The following TOM1 variants were observed in gnomAD, a reference collection of about 807,000 sequenced individuals.
The protein encoded by TOM1 is target of Myb protein 1.
TOM1 carries 38 observed loss-of-function variants against 61.3 expected under a neutral mutation model. That is an observed-to-expected ratio of 0.62 (90% CI 0.48 to 0.81). The LOEUF is 0.81. TOM1 is among the 40% of genes least tolerant of loss of function. TOM1 has a pLI of 0.00. For missense variants in TOM1, 591 were observed against 659.6 expected (o/e 0.90, Z 1.14); for synonymous variants, 270 against 268.8 (o/e 1.00, Z -0.04).
intron 2 of TOM1, among the ~76,000 whole-genome samples, chr22:35,318,869 C>T (rs1199612974): frequency 6.6e-6 from 1 of 152,248 alleles, no homozygotes; most frequent in Admixed American, 6.5e-5. Flanking sequence ...TCCAGCTCTC[C>T]CGCGGCCAGT....
chr22:35,317,984 T>A (rs766313056), intron 2 of TOM1, 23 bp downstream of exon 2: 5 of 1,600,530 alleles, frequency 3.1e-6, no homozygotes, highest in Admixed American at 3.3e-5. Context: ...CAAGGAGAGG[T>A]TGGGGGCAGA....
intron 11 of TOM1, among the ~76,000 whole-genome samples, chr22:35,336,030 CAG>C (rs1214732862): frequency 6.6e-6 from 1 of 152,128 alleles, no homozygotes; most frequent in Non-Finnish European, 1.5e-5. Flanking sequence ...CACTGGGCTA[CAG>C]AGAGGCAGTT....
intron 6 of TOM1, among the ~76,000 whole-genome samples, chr22:35,324,456 T>C (rs907862801): frequency 6.9e-6 from 1 of 145,734 alleles, no homozygotes; most frequent in Non-Finnish European, 1.5e-5. Context: ...TGAAGAGAGG[T>C]TCTGCCTGAA....
At chr22:35,333,150 C>T (rs1173657832) in intron 9 of TOM1, 136 bp downstream of exon 9, 3 of 1,026,338 alleles carry the variant, frequency 2.9e-6, no homozygotes, top group Non-Finnish European at 4.6e-6. Flanking sequence ...CCCCTTCTAA[C>T]TTTTTATGTC....
chr22:35,311,617 A>T (rs889075046), intron 1 of TOM1, among the ~76,000 whole-genome samples: 1 of 152,344 alleles, frequency 6.6e-6, no homozygotes, highest in Non-Finnish European at 1.5e-5. Flanking sequence ...CTGTTGCACC[A>T]GAAGGTGGGC....
chr22:35,340,604 G>A (rs961928706), intron 12 of TOM1, among the ~76,000 whole-genome samples: 2 of 152,068 alleles, frequency 1.3e-5, no homozygotes, highest in Non-Finnish European at 1.5e-5. Flanking sequence ...AAAATTATCC[G>A]GGCATGGTGG....
chr22:35,305,403 T>C (rs1401736932), intron 1 of TOM1, among the ~76,000 whole-genome samples: 1 of 152,190 alleles, frequency 6.6e-6, no homozygotes, highest in Non-Finnish European at 1.5e-5. Flanking sequence ...GGCTCACGCC[T>C]GTAATCCCAG....
intron 1 of TOM1, among the ~76,000 whole-genome samples, chr22:35,307,939 T>G (rs1926471129): frequency 6.6e-6 from 1 of 152,224 alleles, no homozygotes; most frequent in Non-Finnish European, 1.5e-5. Flanking sequence ...AACGTATGCC[T>G]TAGATGAGAT....
intron 3 of TOM1, 134 bp downstream of exon 3, chr22:35,322,171 T>C (rs1927852727): frequency 1.4e-6 from 1 of 737,868 alleles, no homozygotes; most frequent in Non-Finnish European, 2.3e-6. Context: ...GGCAACGCAC[T>C]GTCCTGTCTA....
chr22:35,327,445 G>A, intron 7 of TOM1, 58 bp downstream of exon 7: 1 of 1,223,716 alleles, frequency 8.2e-7, no homozygotes, highest in Non-Finnish European at 1.2e-6. Flanking sequence ...CTGCCCACAT[G>A]CATTCTTTCC....
At chr22:35,316,779 C>T (rs998461523) in intron 1 of TOM1, among the ~76,000 whole-genome samples, 1 of 152,232 alleles carries the variant, frequency 6.6e-6, no homozygotes, top group East Asian at 1.9e-4. Context: ...ATGTGACTTT[C>T]GCCTCAACTT....
intron 1 of TOM1, among the ~76,000 whole-genome samples, chr22:35,314,023 C>T (rs1178909692): frequency 6.6e-6 from 1 of 152,218 alleles, no homozygotes; most frequent in Non-Finnish European, 1.5e-5. Context: ...TGAATTACTT[C>T]TGTGGTGAAG....
At position 35,338,789 on chromosome 22, in the gene TOM1, G is replaced by A; in HGVS notation, c.1224+1G>A. 6.3e-7 allele frequency: 1 copy of A among 1,584,048 alleles called. No individual in the cohort carries two copies. Among genetic ancestry groups the A allele is most frequent in the Admixed American group, 1.8e-5 (1 of 55,276 alleles). On this transcript the variant is annotated splice_donor_variant, in intron 12 of 14. Coordinates refer to ENST00000449058, the MANE Select transcript of TOM1 (RefSeq NM_005488.3). LOFTEE classifies it high-confidence loss of function. The stretch of plus-strand genomic sequence containing the variant: ...CGCCCGGCAGCAGAGCACTGGCGCG[G>A]TAAGCAGAGGGGCCATCCTGCCACC...
chr22:35,304,569 C>T (rs13054187), intron 1 of TOM1, among the ~76,000 whole-genome samples: 1 of 152,196 alleles, frequency 6.6e-6, no homozygotes, highest in Non-Finnish European at 1.5e-5. Context: ...AGCTCCACCT[C>T]CCGGGTTCAC....
Position 35,300,095 on chromosome 22 carries a change from T to G in TOM1, c.52+115T>G, listed in dbSNP as rs960800598. On this transcript the variant is annotated intron_variant, in intron 1 of 14. Transcript: ENST00000449058. Reference sequence around the variant, plus strand: ...GGCAGGGAGGGCAAGGAGGCTGGCGTGTAGCTCTCCGACCTGGCTCCGCCC... The same window carrying G: ...GGCAGGGAGGGCAAGGAGGCTGGCGGGTAGCTCTCCGACCTGGCTCCGCCC... 18 of 1,178,754 alleles carry G rather than the reference T, an allele frequency of 1.5e-5. No homozygotes were observed. In the Admixed American group the frequency reaches 4.1e-4, roughly 27 times the overall value. 73.0% of individuals were successfully genotyped at this position (1,178,754 alleles called of 1,614,324 possible). A position where few individuals can be genotyped will look rare whatever the true frequency, so the allele number is the denominator to read the frequency against.
At chr22:35,341,787 A>G (rs1441592626) in intron 12 of TOM1, among the ~76,000 whole-genome samples, 1 of 152,200 alleles carries the variant, frequency 6.6e-6, no homozygotes, top group African/African-American at 2.4e-5. Flanking sequence ...ACTGGCAGCA[A>G]AGAGAAGCTG....
intron 8 of TOM1, among the ~76,000 whole-genome samples, chr22:35,332,441 G>C (rs113273925): frequency 6.6e-6 from 1 of 152,094 alleles, no homozygotes; most frequent in South Asian, 2.1e-4. Context: ...TAATTTACCC[G>C]AGGTCATGTG....
At chr22:35,343,882 T>C (rs1023808625) in intron 12 of TOM1, among the ~76,000 whole-genome samples, 4 of 125,094 alleles carry the variant, frequency 3.2e-5, no homozygotes, top group African/African-American at 1.2e-4. Context: ...TACACACTCA[T>C]ACACCTACAC....
At chr22:35,343,166 C>G (rs1930066756) in intron 12 of TOM1, among the ~76,000 whole-genome samples, 1 of 135,704 alleles carries the variant, frequency 7.4e-6, no homozygotes, top group Non-Finnish European at 1.6e-5. Flanking sequence ...CCTCCACACA[C>G]CACACCTACA....
Sources: allele counts gnomAD v4.1 joint callset (sites outside exome capture counted in the v4.1 genomes callset), GRCh38; gene constraint gnomAD v4.1.1; transcripts MANE v1.5; gene names NCBI Gene and HGNC (gene_info 2026-07-23, HGNC 2026-07-21).